The following GRM8 variants were observed in gnomAD, a reference collection of about 807,000 sequenced individuals.
GRM8 encodes glutamate metabotropic receptor 8, also known as metabotropic glutamate receptor 8.
GRM8 carries 47 observed loss-of-function variants against 87.2 expected under a neutral mutation model. That is an observed-to-expected ratio of 0.54 (90% CI 0.43 to 0.69). The LOEUF (loss-of-function observed/expected upper bound fraction) is 0.69. GRM8 is among the 30% of genes least tolerant of loss of function. The pLI is 0.00. For missense variants in GRM8, 1,019 were observed against 1,139.2 expected (o/e 0.89, Z 1.52); for synonymous variants, 396 against 404.5 (o/e 0.98, Z 0.25).
intron 3 of GRM8, among the ~76,000 whole-genome samples, chr7:127,018,900 T>A (rs934262484): frequency 2.0e-5 from 3 of 151,990 alleles, no homozygotes; most frequent in African/African-American, 7.2e-5. Flanking sequence ...AGCCACTGCA[T>A]CAGTTCCAGA....
At chr7:126,526,147 G>A (rs1813790974) in intron 9 of GRM8, among the ~76,000 whole-genome samples, 1 of 152,116 alleles carries the variant, frequency 6.6e-6, no homozygotes, top group African/African-American at 2.4e-5. Flanking sequence ...TGAGAGATAA[G>A]CATCTACTGA....
intron 9 of GRM8, among the ~76,000 whole-genome samples, chr7:126,487,297 C>T (rs745486080): frequency 1.3e-4 from 20 of 151,578 alleles, no homozygotes; most frequent in Non-Finnish European, 2.1e-4. Context: ...AAAATTGAGA[C>T]GTATTTTAAT....
chr7:126,546,004 T>C (rs902666992), intron 8 of GRM8, among the ~76,000 whole-genome samples: 1 of 152,188 alleles, frequency 6.6e-6, no homozygotes, highest in South Asian at 2.1e-4. Context: ...TAATGCAATC[T>C]ATAGAGGGTT....
intron 6 of GRM8, among the ~76,000 whole-genome samples, chr7:126,851,019 C>T (rs1264966710): frequency 6.6e-6 from 1 of 152,144 alleles, no homozygotes; most frequent in African/African-American, 2.4e-5. Context: ...GCCAAAAAGT[C>T]TTCACCTACA....
chr7:126,986,170 C>A (rs17865435), intron 3 of GRM8, among the ~76,000 whole-genome samples: 4,500 of 152,064 alleles, frequency 0.03, 218 homozygotes, highest in African/African-American at 0.1. Context: ...TGTGCCACCA[C>A]CCCTGACTAA....
At chr7:126,987,494 T>G (rs1208792747) in intron 3 of GRM8, among the ~76,000 whole-genome samples, 1 of 152,032 alleles carries the variant, frequency 6.6e-6, no homozygotes, top group Non-Finnish European at 1.5e-5. Context: ...AGAGTCTCGC[T>G]CTCTCGTCCA....
chr7:126,602,783 C>G (rs958747351), intron 8 of GRM8, among the ~76,000 whole-genome samples: 1 of 151,244 alleles, frequency 6.6e-6, no homozygotes, highest in African/African-American at 2.4e-5. Flanking sequence ...CAGATGGATT[C>G]ACAGCTGAAT....
At chr7:127,199,186 G>C (rs1465888864) in intron 2 of GRM8, among the ~76,000 whole-genome samples, 2 of 150,952 alleles carry the variant, frequency 1.3e-5, no homozygotes, top group African/African-American at 4.9e-5. Flanking sequence ...TTGCCCCCAG[G>C]CTGACCTCAA....
At chr7:126,981,376 A>G (rs1437749073) in intron 3 of GRM8, 1 of 152,188 alleles carries the variant, frequency 6.6e-6, no homozygotes, top group Non-Finnish European at 1.5e-5. Flanking sequence ...GAAAATGGGT[A>G]ATTTATTTTT....
intron 6 of GRM8, among the ~76,000 whole-genome samples, chr7:126,825,180 G>A (rs1794646200): frequency 6.6e-6 from 1 of 152,056 alleles, no homozygotes; most frequent in South Asian, 2.1e-4. Context: ...TGATTCTCCT[G>A]CCCAGCCTCC....
At chr7:127,071,005 C>T (rs541220574) in intron 3 of GRM8, among the ~76,000 whole-genome samples, 38 of 152,250 alleles carry the variant, frequency 2.5e-4, no homozygotes, top group African/African-American at 8.9e-4. Flanking sequence ...TAGGTACCTT[C>T]GTTTTACCTT....
intron 7 of GRM8, among the ~76,000 whole-genome samples, chr7:126,761,411 T>C (rs1329010118): frequency 1.3e-5 from 2 of 152,128 alleles, no homozygotes; most frequent in Non-Finnish European, 2.9e-5. Context: ...TAATTCTGTA[T>C]TTCCTTCCTC....
intron 7 of GRM8, among the ~76,000 whole-genome samples, chr7:126,682,139 C>T (rs973003936): frequency 2.6e-5 from 4 of 152,204 alleles, no homozygotes; most frequent in East Asian, 1.9e-4. Flanking sequence ...GATTCCTTAC[C>T]GTATAAATGC....
chr7:126,645,897 T>C (rs1438518178), intron 7 of GRM8, among the ~76,000 whole-genome samples: 1 of 152,210 alleles, frequency 6.6e-6, no homozygotes, highest in Non-Finnish European at 1.5e-5. Context: ...TTGCCTCAGC[T>C]GATGAACTTA....
intron 8 of GRM8, among the ~76,000 whole-genome samples, chr7:126,588,777 G>T (rs978463385): frequency 8.5e-5 from 13 of 152,194 alleles, no homozygotes; most frequent in Non-Finnish European, 1.5e-4. Flanking sequence ...GCTCCTGCAG[G>T]ACCCAGGAGA....
intron 6 of GRM8, among the ~76,000 whole-genome samples, chr7:126,839,080 C>A (rs1228412091): frequency 1.3e-5 from 2 of 152,144 alleles, no homozygotes; most frequent in African/African-American, 4.8e-5. Context: ...CTACTTGCTG[C>A]TACCACCACT....
intron 3 of GRM8, among the ~76,000 whole-genome samples, chr7:126,973,386 G>A (rs1810630139): frequency 6.6e-6 from 1 of 152,118 alleles, no homozygotes; most frequent in Admixed American, 6.5e-5. Flanking sequence ...CCTTGGACAG[G>A]TTACTTCATG....
chr7:126,595,651 A>T (rs1797106790), intron 8 of GRM8, among the ~76,000 whole-genome samples: 1 of 151,990 alleles, frequency 6.6e-6, no homozygotes, highest in Admixed American at 6.6e-5. Flanking sequence ...CATAGTACTT[A>T]ATAGGGTACC....
At chr7:127,013,472 T>C (rs1478726614) in intron 3 of GRM8, among the ~76,000 whole-genome samples, 1 of 128,560 alleles carries the variant, frequency 7.8e-6, no homozygotes, top group Non-Finnish European at 1.5e-5. Context: ...ACATTTCCTA[T>C]GGAAATGCTA....
Sources: gnomAD v4.1 joint callset for allele counts (sites outside exome capture counted in the v4.1 genomes callset) on GRCh38, gnomAD v4.1.1 for gene constraint, MANE v1.5 for transcripts, NCBI Gene and HGNC (gene_info 2026-07-23, HGNC 2026-07-21) for gene names.